PACRGL: variants seen among roughly 807,000 people sequenced by gnomAD.
PACRGL encodes PACRG-like protein.
PACRGL carries 38 observed loss-of-function variants against 34.5 expected under a neutral mutation model. That is an observed-to-expected ratio of 1.10 (90% confidence interval 0.85 to 1.44). PACRGL has a LOEUF of 1.44. Among genes scored for constraint, PACRGL ranks in the 40% most tolerant of loss-of-function variants. The pLI, the probability that PACRGL is intolerant of heterozygous loss-of-function variation, is 0.00. For missense variants in PACRGL, 305 were observed against 281.4 expected (o/e 1.08, Z -0.60); for synonymous variants, 128 against 100.1 (o/e 1.28, Z -1.66).
chr4:20,713,105 T>C, intron 6 of PACRGL, 183 bp downstream of exon 6: 2 of 603,400 alleles, frequency 3.3e-6, no homozygotes, highest in East Asian at 5.9e-5. Flanking sequence ...ACTACATACT[T>C]GAAGACATCT....
At chr4:20,754,673 TAA>T (rs901915332), downstream of PACRGL, among the ~76,000 whole-genome samples, 55 of 152,348 alleles carry the variant, frequency 3.6e-4, no homozygotes, top group African/African-American at 1.3e-3. Context: ...AAATAATTGT[TAA>T]GAGTGTAACA....
rs1030760409 is a variant in PACRGL, at chr4:20,730,022, A to G, written c.*2681A>G. On this transcript the variant is annotated 3_prime_UTR_variant, in exon 9 of 9. Coordinates refer to ENST00000503585, the MANE Select transcript of PACRGL (RefSeq NM_001258345.3). Reference sequence around the variant, plus strand: ...ATCTATGCTAAAAGTGGTAGCTCCAACTTTAAGGGTGGTAGAATAGTTCAC... The same window carrying G: ...ATCTATGCTAAAAGTGGTAGCTCCAGCTTTAAGGGTGGTAGAATAGTTCAC... 7.7e-6 allele frequency: 12 copies of G among 1,550,004 alleles called. No individual in the cohort carries two copies. Among genetic ancestry groups the G allele is most frequent in the Non-Finnish European group, 7.8e-6 (9 of 1,151,186 alleles).
upstream of PACRGL, among the ~76,000 whole-genome samples, chr4:20,698,439 T>C (rs1447918348): frequency 6.6e-6 from 1 of 152,176 alleles, no homozygotes; most frequent in African/African-American, 2.4e-5. Context: ...ATCGCCCAAC[T>C]CAGCGTCTAC....
Sources: allele counts gnomAD v4.1 joint callset (sites outside exome capture counted in the v4.1 genomes callset), GRCh38; gene constraint gnomAD v4.1.1; transcripts MANE v1.5; gene names NCBI Gene and HGNC (gene_info 2026-07-23, HGNC 2026-07-21).